The following BCAR1 variants were observed in gnomAD, a reference collection of about 807,000 sequenced individuals.
BCAR1 encodes breast cancer anti-estrogen resistance protein 1.
Under a neutral mutation model 67.6 loss-of-function variants are expected in BCAR1, and 30 were observed. That is an observed-to-expected ratio of 0.44 (90% CI 0.33 to 0.60). The LOEUF is 0.60. Among genes scored for constraint, BCAR1 ranks in the 20% least tolerant of loss-of-function variants. The pLI is 0.02. For missense variants in BCAR1, 1,313 were observed against 1,222.3 expected (o/e 1.07, Z -1.11); for synonymous variants, 626 against 556.7 (o/e 1.12, Z -1.75).
chr16:75,241,238 T>C (rs1222315428), intron 2 of BCAR1, among the ~76,000 whole-genome samples: 3 of 152,168 alleles, frequency 2.0e-5, no homozygotes, highest in African/African-American at 7.2e-5. Flanking sequence ...TGTGTGGGCG[T>C]ATACGTGTGT....
upstream of BCAR1, among the ~76,000 whole-genome samples, chr16:75,253,285 G>A (rs574512887): frequency 5.3e-5 from 8 of 152,196 alleles, no homozygotes; most frequent in South Asian, 2.1e-4. Context: ...CTGAACCAGC[G>A]GGACCCTCAG....
intron 1 of BCAR1, among the ~76,000 whole-genome samples, chr16:75,261,406 T>A (rs2151480841): frequency 6.6e-6 from 1 of 152,276 alleles, no homozygotes; most frequent in African/African-American, 2.4e-5. Context: ...TGTAGGCCCC[T>A]CCCTTAAGGA....
At chr16:75,248,124 G>A (rs1034676140) in intron 1 of BCAR1, 2 of 1,597,118 alleles carry the variant, frequency 1.3e-6, no homozygotes, top group Non-Finnish European at 1.7e-6. Context: ...GAGTCCAGAA[G>A]CAGCAGAGGC....
chr16:75,264,516 T>C lies in BCAR1; in HGVS notation c.66+3399A>G, dbSNP rs1441713235. On this transcript the variant is annotated intron_variant, in intron 1 of 6. Coordinates refer to the BCAR1 transcript ENST00000393422. ...TGGCAGGCATGTTCTGTCTTCCTTC[T>C]TTCTGAAGACGAGACGATTATGCTC... 5 of 1,415,670 alleles carry C rather than the reference T, an allele frequency of 3.5e-6. No homozygotes were observed. In the South Asian group the frequency reaches 4.6e-5, roughly 13 times the overall value. The allele number at this position is 1,415,670 out of a possible 1,614,324, so 87.7% of individuals were successfully genotyped here. A position where few individuals can be genotyped will look rare whatever the true frequency, so the allele number is the denominator to read the frequency against.
Position 75,235,368 on chromosome 16 carries a change from C to G in BCAR1, c.1531G>C (p.Val511Leu). The G allele has an allele frequency of 6.2e-7, 1 of 1,601,512 alleles. No homozygotes were observed. The highest frequency in any genetic ancestry group is 8.5e-7 in the Non-Finnish European group (1 of 1,174,570). The change falls in exon 5 of 7, where the codon GTC (valine) becomes CTC (leucine). Residue 511 changes from valine to leucine, a missense_variant. Around this residue, in one of 2 missense-constraint regions of BCAR1, gnomAD observed 1,272 missense variants for 1,137.5 expected, o/e 1.12. Coordinates refer to ENST00000162330, the MANE Select transcript of BCAR1 (RefSeq NM_014567.5). The stretch of plus-strand genomic sequence containing the variant: ...AACAGCTCGTGGACGGCACTCTGGA[C>G]AGCGGCCACAGCAGCCTGCAGGTCC... ...VQDLQAAVAA[V>L]QSAVHELLEF...
Position 75,230,016 on chromosome 16 carries a change from T to C in BCAR1, c.2108A>G (p.Gln703Arg), listed in dbSNP as rs1188832405. 3.9e-6 allele frequency: 6 copies of C among 1,532,164 alleles called. No individual in the cohort carries two copies. Among genetic ancestry groups the C allele is most frequent in the Non-Finnish European group, 5.3e-6 (6 of 1,137,994 alleles). 94.9% of individuals were successfully genotyped at this position (1,532,164 alleles called of 1,614,324 possible). Residue 703 changes from glutamine to arginine, a missense_variant, in exon 7 of 7, where the codon CAG becomes CGG. Gln to Arg is a conservative substitution (Grantham distance 43). Coordinates refer to ENST00000162330, the MANE Select transcript of BCAR1 (RefSeq NM_014567.5). ...KSQLELQQLK[Q>R]FERLEQEVSR... ...CACCTCCTGTTCCAGTCGTTCAAAC[T>C]GCTTCAGCTGGGGCAGGAGGGAAGC...
chr16:75,261,703 C>T (rs1464637975), intron 1 of BCAR1, among the ~76,000 whole-genome samples: 10 of 152,164 alleles, frequency 6.6e-5, no homozygotes, highest in East Asian at 1.9e-4. Context: ...AGGCCATGCC[C>T]GGGCAGGGGA....
At position 75,235,871 on chromosome 16, in the gene BCAR1, C is replaced by T. The variant is rs550179696; in HGVS notation, c.1028G>A (p.Arg343His). ...FAKAKPFDPA[R>H]TPLVLAAPPP... ...GGGCGCAGCCAGTACCAGTGGGGTG[C>T]GGGCCGGGTCAAAGGGCTTGGCCTT... The change falls in exon 5 of 7, where the codon CGC becomes CAC. Residue 343 changes from arginine to histidine, a missense_variant. By Grantham distance (29) the Arg-to-His change is conservative. This residue lies in a region of BCAR1 where 1,272 missense variants were observed against 1,137.5 expected (regional missense o/e 1.12). Transcript: ENST00000162330. 14 of 1,562,484 alleles carry T rather than the reference C, an allele frequency of 9.0e-6. No individual in the cohort carries two copies. Among genetic ancestry groups the T allele is most frequent in the Admixed American group, 5.8e-5 (3 of 52,010 alleles).
chr16:75,252,512 A>T (rs2151464970), upstream of BCAR1: 1 of 1,096,702 alleles, frequency 9.1e-7, no homozygotes, highest in Non-Finnish European at 1.2e-6. Context: ...CTGTCACCCC[A>T]TGCAGCAGAA....
At chr16:75,264,436 G>C (rs544477646) in intron 1 of BCAR1, 69 of 1,520,544 alleles carry the variant, frequency 4.5e-5, no homozygotes, top group Non-Finnish European at 5.5e-5. Flanking sequence ...CTGAGGCCCT[G>C]GGCCAGAGAA....
In BCAR1 at chr16:75,229,935, G is replaced by A. The variant is rs558599963; in HGVS notation, c.2189C>T (p.Pro730Leu). The A allele has an allele frequency of 9.5e-5, 152 of 1,604,486 alleles. No individual in the cohort carries two copies. Among genetic ancestry groups the A allele is most frequent in the Middle Eastern group, 1.7e-4 (1 of 6,038 alleles). Residue 730 changes from proline (P) to leucine (L), a missense_variant, in exon 7 of 7, where the codon CCG becomes CTG. By Grantham distance (98) the Pro-to-Leu change is moderately conservative (BLOSUM62 -3). Transcript: ENST00000162330. Reference sequence around the variant, plus strand: ...GGGCCCCAGGCCGCCTGTTCGCCCCGGGGCCAGGGGTTGGGCTGGCGTCCA... The same window carrying A: ...GGGCCCCAGGCCGCCTGTTCGCCCCAGGGCCAGGGGTTGGGCTGGCGTCCA... ...ANWTPAQPLA[P>L]GRTGGLGPSD...
At chr16:75,267,457 T>C (rs910006694) in intron 1 of BCAR1, among the ~76,000 whole-genome samples, 8 of 151,506 alleles carry the variant, frequency 5.3e-5, no homozygotes, top group Non-Finnish European at 7.4e-5. Context: ...TCTGTGCATG[T>C]CTGGCACGTG....
chr16:75,247,841 A>C (rs1437125167), intron 1 of BCAR1: 2 of 594,078 alleles, frequency 3.4e-6, no homozygotes, highest in Non-Finnish European at 6.0e-6. Flanking sequence ...AGCCAGCACA[A>C]GGTGGGAGCT....
chr16:75,244,914 C>T (rs1273747852), intron 1 of BCAR1, among the ~76,000 whole-genome samples: 11 of 152,226 alleles, frequency 7.2e-5, no homozygotes. Flanking sequence ...GTCAGGAAGA[C>T]ACCAGAGATG....
At chr16:75,247,754 C>A in intron 1 of BCAR1, 1 of 435,286 alleles carries the variant, frequency 2.3e-6, no homozygotes, top group Non-Finnish European at 4.3e-6. Flanking sequence ...CACTGCTGAC[C>A]AAAACCCTCT....
At position 75,235,697 on chromosome 16, in the gene BCAR1, T is replaced by A. The variant is rs2077096628; in HGVS notation, c.1202A>T (p.Asp401Val). The A allele has an allele frequency of 2.5e-6, 4 of 1,611,218 alleles. No individual in the cohort carries two copies. The African/African-American group carries it at 4.0e-5, about 16-fold the overall frequency. Residue 401 changes from aspartate (D) to valine (V), a missense_variant, in exon 5 of 7, where the codon GAT (aspartate) becomes GTT (valine). This residue lies in a region of BCAR1 where 1,272 missense variants were observed against 1,137.5 expected (regional missense o/e 1.12). Coordinates refer to ENST00000162330, the MANE Select transcript of BCAR1 (RefSeq NM_014567.5). Reference protein sequence around the residue: ...RERVLPPEVADGGVVDSGVYA... With the variant: ...RERVLPPEVAVGGVVDSGVYA... Reference sequence around the variant, plus strand: ...CACACCACTGTCGACCACGCCACCATCAGCCACCTCAGGAGGAAGCACCCG... The same window carrying A: ...CACACCACTGTCGACCACGCCACCAACAGCCACCTCAGGAGGAAGCACCCG...
intron 1 of BCAR1, chr16:75,246,167 C>T (rs144094466): frequency 6.6e-6 from 1 of 152,024 alleles, no homozygotes; most frequent in Non-Finnish European, 1.5e-5. Context: ...GATGGGTTCT[C>T]CTTATGTTGC....
intron 6 of BCAR1, among the ~76,000 whole-genome samples, chr16:75,231,709 C>T (rs576400353): frequency 6.6e-6 from 1 of 152,314 alleles, no homozygotes; most frequent in South Asian, 2.1e-4. Context: ...CAGCACTGTT[C>T]ACAAAAGTAA....
intron 1 of BCAR1, among the ~76,000 whole-genome samples, chr16:75,267,699 G>A (rs1202851819): frequency 6.6e-6 from 1 of 151,930 alleles, no homozygotes; most frequent in Non-Finnish European, 1.5e-5. Context: ...CCCATATCTA[G>A]GTGCCCCAGC....
Sources: allele counts gnomAD v4.1 joint callset (sites outside exome capture counted in the v4.1 genomes callset), GRCh38; gene constraint gnomAD v4.1.1; regional missense constraint gnomAD v4.1.1; transcripts MANE v1.5; gene names NCBI Gene and HGNC (gene_info 2026-07-23, HGNC 2026-07-21).